Variants in WNT5A observed in about 807,000 individuals in gnomAD.
The protein encoded by WNT5A is protein Wnt-5a.
A neutral mutation model predicts 42.1 loss-of-function variants in WNT5A; 9 were observed. That is an observed-to-expected ratio of 0.21 (90% CI 0.13 to 0.37). WNT5A has a LOEUF of 0.37. WNT5A is among the 10% of genes least tolerant of loss of function. The pLI is 1.00. For missense variants in WNT5A, 426 were observed against 534.0 expected, an observed-to-expected ratio of 0.80 and a Z score of 1.99; for synonymous variants, 210 against 210.0, an observed-to-expected ratio of 1.00 and a Z score of 0.00.
intron 3 of WNT5A, among the ~76,000 whole-genome samples, chr3:55,477,103 T>C (rs542443030): frequency 6.6e-6 from 1 of 152,280 alleles, no homozygotes; most frequent in East Asian, 1.9e-4. Flanking sequence ...AAAGAAGAAT[T>C]ATTCTCAATG....
At chr3:55,476,447 G>GT (rs1372372463) in intron 3 of WNT5A, among the ~76,000 whole-genome samples, 3 of 152,156 alleles carry the variant, frequency 2.0e-5, no homozygotes, top group African/African-American at 7.2e-5. Context: ...TAATTTGATA[G>GT]TACAGAAAAT....
At chr3:55,478,808 C>T (rs1448622038) in intron 3 of WNT5A, among the ~76,000 whole-genome samples, 1 of 151,826 alleles carries the variant, frequency 6.6e-6, no homozygotes, top group Admixed American at 6.6e-5. Context: ...AAGCTTTTAA[C>T]GTCTATATCT....
rs1482660900 is a variant in WNT5A, at chr3:55,483,358, C to T, written c.7-2440G>A. 1.3e-5 allele frequency among the ~76,000 whole-genome samples: 2 copies of T among 152,122 alleles called. No individual in the cohort carries two copies. ...CTTCCCTCTTCAATCCCAGTGCAAC[C>T]GAGAAAAGGCCCCACAAGTTTGAGA... On this transcript the variant is annotated intron_variant, in intron 1 of 4. Coordinates refer to ENST00000264634, the MANE Select transcript of WNT5A (RefSeq NM_003392.7). This position sits in a 1 kb window ranked among gnomAD's most constrained non-coding sequence, Gnocchi z 4.2.
chr3:55,502,098 T>G, the WNT5A span, among the ~76,000 whole-genome samples: 16 of 152,330 alleles, frequency 1.1e-4, no homozygotes, highest in African/African-American at 3.8e-4. Flanking sequence ...ATTTGTTGGA[T>G]TTCAGTTTCT....
intron 4 of WNT5A, among the ~76,000 whole-genome samples, 154 bp downstream of exon 4, chr3:55,474,183 G>C (rs537228703): frequency 3.3e-5 from 5 of 152,236 alleles, no homozygotes; most frequent in African/African-American, 1.2e-4. Flanking sequence ...AGAAAGATAG[G>C]GAGAGACAGA....
chr3:55,504,012 C>T, the WNT5A span, among the ~76,000 whole-genome samples: 185 of 152,218 alleles, frequency 1.2e-3, no homozygotes, highest in African/African-American at 3.9e-3. Flanking sequence ...TGGCTCACAC[C>T]TGTAATTTCA....
intron 1 of WNT5A, chr3:55,481,484 G>A: frequency 1.5e-6 from 1 of 681,760 alleles, no homozygotes; most frequent in Non-Finnish European, 1.8e-6. Flanking sequence ...GGAAGGGCAG[G>A]GGGTGGGGGG....
chr3:55,470,383 C>G lies in WNT5A; in HGVS notation c.852G>C (p.Leu284Phe). The G allele has an allele frequency of 6.2e-7, 1 of 1,613,904 alleles. No homozygotes were observed. ...AAMRLNSRGK[L>F]VQVNSRFNSP... Reference sequence around the variant, plus strand: ...AGTTGAAGCGGCTGTTGACCTGTACCAACTTGCCCCGGCTGTTGAGCCGCA... The same window carrying G: ...AGTTGAAGCGGCTGTTGACCTGTACGAACTTGCCCCGGCTGTTGAGCCGCA... Residue 284 changes from leucine (L) to phenylalanine (F), a missense_variant, in exon 5 of 5, where the codon TTG becomes TTC. This residue lies in a region of WNT5A where 358 missense variants were observed against 468.1 expected (regional missense o/e 0.76). Coordinates refer to ENST00000264634, the MANE Select transcript of WNT5A (RefSeq NM_003392.7).
chr3:55,484,544 G>A (rs2051535856), intron 1 of WNT5A, among the ~76,000 whole-genome samples: 1 of 152,158 alleles, frequency 6.6e-6, no homozygotes, highest in African/African-American at 2.4e-5. Context: ...TGACAAAAGA[G>A]AGCCGCCCAG....
the WNT5A span, among the ~76,000 whole-genome samples, chr3:55,501,437 T>C: frequency 6.6e-6 from 1 of 152,258 alleles, no homozygotes; most frequent in Non-Finnish European, 1.5e-5. Context: ...AAGGGAGAAT[T>C]GTTCTACAAA....
chr3:55,479,573 G>T lies in WNT5A; in HGVS notation c.141-9C>A, dbSNP rs181894008. On this transcript the variant is annotated splice_polypyrimidine_tract_variant and intron_variant, in intron 2 of 4. Transcript: ENST00000264634. Reference sequence around the variant, plus strand: ...TATTCATACCTAGCGACCTGCAAGGGGGGGAGATGTGCATTCAAGATTTAC... The same window carrying T: ...TATTCATACCTAGCGACCTGCAAGGTGGGGAGATGTGCATTCAAGATTTAC... 9 of 1,570,076 alleles carry T rather than the reference G, an allele frequency of 5.7e-6. No individual in the cohort carries two copies. The East Asian group carries it at 6.8e-5, about 12-fold the overall frequency.
chr3:55,482,332 C>T (rs1343693125), intron 1 of WNT5A, among the ~76,000 whole-genome samples: 18 of 152,036 alleles, frequency 1.2e-4, no homozygotes, highest in Non-Finnish European at 1.5e-5. Context: ...GAGTAGGTGG[C>T]GGGTGCGGGT....
chr3:55,466,558 A>G lies in WNT5A; in HGVS notation c.*3534T>C, dbSNP rs2051146755. ...AGGTCAGTAGCTCACAGAACTCAAC[A>G]GATAAACTGGATTAAAACTTAAAAG... On this transcript the variant is annotated 3_prime_UTR_variant, in exon 5 of 5. Transcript: ENST00000264634. The G allele has an allele frequency of 6.6e-6, 1 of 152,406 alleles. No homozygotes were observed. The highest frequency in any genetic ancestry group is 6.5e-5 in the Admixed American group (1 of 15,282). 9.4% of individuals were successfully genotyped at this position (152,406 alleles called of 1,614,324 possible).
chr3:55,488,550 C>G (rs1043379585), upstream of WNT5A, among the ~76,000 whole-genome samples: 1 of 152,026 alleles, frequency 6.6e-6, no homozygotes, highest in Non-Finnish European at 1.5e-5. Context: ...GTGGTGAGGC[C>G]GGCCTATGAC....
At position 55,469,686 on chromosome 3, in the gene WNT5A, A is replaced by G. The variant is rs2051208468; in HGVS notation, c.*406T>C. On this transcript the variant is annotated 3_prime_UTR_variant, in exon 5 of 5. Coordinates refer to ENST00000264634, the MANE Select transcript of WNT5A (RefSeq NM_003392.7). ...GAAGCTGAATTGTGAATAGATTTCT[A>G]CCACCCTCTTTCAACTGGAACCTAC... is the stretch of plus-strand genomic sequence containing the variant. 1 of 161,868 alleles carries G rather than the reference A, an allele frequency of 6.2e-6. No homozygotes were observed. Among genetic ancestry groups the G allele is most frequent in the Non-Finnish European group, 1.4e-5 (1 of 74,054 alleles). The allele number at this position is 161,868 out of a possible 1,614,324, so 10.0% of individuals were successfully genotyped here. A position where few individuals can be genotyped will look rare whatever the true frequency, so the allele number is the denominator to read the frequency against.
At chr3:55,498,463 A>G in the WNT5A span, among the ~76,000 whole-genome samples, 3 of 152,302 alleles carry the variant, frequency 2.0e-5, no homozygotes, top group African/African-American at 7.2e-5. Flanking sequence ...AATGCTACAC[A>G]ATGAGGTACG....
chr3:55,471,135 C>T (rs1462482471), intron 4 of WNT5A, among the ~76,000 whole-genome samples: 3 of 152,166 alleles, frequency 2.0e-5, no homozygotes, highest in African/African-American at 7.2e-5. Context: ...CAAATCTTAA[C>T]CCATTACTAC....
the WNT5A span, among the ~76,000 whole-genome samples, chr3:55,503,305 C>A: frequency 1.3e-5 from 2 of 152,178 alleles, no homozygotes; most frequent in African/African-American, 4.8e-5. Context: ...TAATACCTAT[C>A]ATTTCCATTT....
upstream of WNT5A, chr3:55,494,047 A>G (rs2051689638): frequency 6.6e-6 from 1 of 152,228 alleles, no homozygotes; most frequent in Non-Finnish European, 1.5e-5. Flanking sequence ...CCCGCTGATC[A>G]TCTACATGCT....
Sources: gnomAD v4.1 joint callset for allele counts (sites outside exome capture counted in the v4.1 genomes callset) on GRCh38, gnomAD v4.1.1 for gene constraint, gnomAD v4.1.1 regional missense constraint, Gnocchi (gnomAD v3.1) non-coding constraint, MANE v1.5 for transcripts, NCBI Gene and HGNC (gene_info 2026-07-23, HGNC 2026-07-21) for gene names.